The following RAPGEFL1 variants were observed in gnomAD, a reference collection of about 807,000 sequenced individuals.
RAPGEFL1 encodes Rap guanine nucleotide exchange factor like 1, also known as rap guanine nucleotide exchange factor-like 1.
In RAPGEFL1, 31 loss-of-function variants were observed where a neutral mutation model predicts 64.4. The ratio of observed to expected loss-of-function variants is 0.48; its 90% confidence interval spans 0.36 to 0.65. RAPGEFL1 has a LOEUF of 0.65. Among genes scored for constraint, RAPGEFL1 ranks in the 30% least tolerant of loss-of-function variants. RAPGEFL1 has a pLI of 0.00. For missense variants in RAPGEFL1, 682 were observed against 677.4 expected, an observed-to-expected ratio of 1.01 and a Z score of -0.08; for synonymous variants, 331 against 274.1, an observed-to-expected ratio of 1.21 and a Z score of -2.05.
chr17:40,180,273 T>G (rs569521491), intron 1 of RAPGEFL1, among the ~76,000 whole-genome samples: 1 of 152,136 alleles, frequency 6.6e-6, no homozygotes, highest in Non-Finnish European at 1.5e-5. Flanking sequence ...TTTCCCCTTT[T>G]ACAGGGGCCT....
intron 2 of RAPGEFL1, among the ~76,000 whole-genome samples, chr17:40,183,967 C>T (rs1989979515): frequency 1.3e-5 from 2 of 150,990 alleles, no homozygotes; most frequent in South Asian, 2.1e-4. Context: ...CCTCAGCCTC[C>T]AGAGTAGCTG....
Position 40,188,873 on chromosome 17 carries a change from G to C in RAPGEFL1, c.841G>C (p.Glu281Gln). ...LVETVELKIP[E>Q]ENQPPSKQVK... ...CAGCTGTGTCCATGCCAGGATTCCA[G>C]AGGAGAACCAGCCACCCAGCAAGCA... The change falls in exon 5 of 15, where the codon GAG becomes CAG. Residue 281 changes from glutamate to glutamine, a missense_variant. Glu to Gln is a conservative substitution (Grantham distance 29, BLOSUM62 2). Coordinates refer to ENST00000620260, the MANE Select transcript of RAPGEFL1 (RefSeq NM_016339.6). The C allele has an allele frequency of 6.2e-7, 1 of 1,614,102 alleles. No individual in the cohort carries two copies. Among genetic ancestry groups the C allele is most frequent in the Non-Finnish European group, 8.5e-7 (1 of 1,180,012 alleles).
At chr17:40,178,901 C>T (rs766998266) in intron 1 of RAPGEFL1, among the ~76,000 whole-genome samples, 38 of 152,146 alleles carry the variant, frequency 2.5e-4, no homozygotes, top group Non-Finnish European at 4.6e-4. Context: ...CAAAGGGATG[C>T]GTTGTCCTTA....
intron 1 of RAPGEFL1, among the ~76,000 whole-genome samples, chr17:40,180,865 C>CT (rs1403519109): frequency 1.3e-5 from 2 of 152,232 alleles, no homozygotes; most frequent in Non-Finnish European, 2.9e-5. Flanking sequence ...ACCTGGCTCC[C>CT]TCCCTGCACC....
At position 40,189,331 on chromosome 17, in the gene RAPGEFL1, G is replaced by A. The variant is rs748201835; in HGVS notation, c.1070G>A (p.Gly357Glu). Residue 357 changes from glycine (G) to glutamate (E), a missense_variant, in exon 6 of 15, where the codon GGG becomes GAG. Physicochemically the swap from Gly to Glu is moderately conservative, Grantham distance 98. Around this residue, in one of 2 missense-constraint regions of RAPGEFL1, gnomAD observed 411 missense variants for 519.4 expected, o/e 0.79. Coordinates refer to ENST00000620260, the MANE Select transcript of RAPGEFL1 (RefSeq NM_016339.6). Reference sequence around the variant, plus strand: ...CTTCAATATTCAGAGGAGCCCGCGGGGCGTGAGGATTCCCTCATCCTGGTA... The same window carrying A: ...CTTCAATATTCAGAGGAGCCCGCGGAGCGTGAGGATTCCCTCATCCTGGTA... ...EKLQYSEEPA[G>E]REDSLILVAV... is the part of the protein sequence containing the mutation. 1 of 1,614,170 alleles carries A rather than the reference G, an allele frequency of 6.2e-7. No individual in the cohort carries two copies.
At position 40,178,115 on chromosome 17, in the gene RAPGEFL1, G is replaced by A. The variant is rs899493683; in HGVS notation, c.254G>A (p.Gly85Glu). The A allele has an allele frequency of 9.5e-5, 54 of 570,888 alleles. No homozygotes were observed. The African/African-American group carries it at 1.0e-3, about 11-fold the overall frequency. The allele number at this position is 570,888 out of a possible 1,614,324, so 35.4% of individuals were successfully genotyped here. The change falls in exon 1 of 15, where the codon GGA becomes GAA. Residue 85 changes from glycine to glutamate, a missense_variant. Transcript: ENST00000620260. ...PGLEPPPEEEGGEPAGVAEEP... is the reference protein window; with the variant it reads ...PGLEPPPEEEEGEPAGVAEEP... ...CTGGAGCCGCCCCCTGAGGAGGAAG[G>A]AGGAGAGCCGGCGGGGGTCGCGGAG...
At chr17:40,184,543 G>T in intron 3 of RAPGEFL1, 38 bp from the exon 4 acceptor site, 2 of 1,344,796 alleles carry the variant, frequency 1.5e-6, no homozygotes, top group South Asian at 2.6e-5. Flanking sequence ...CTTGGAATGA[G>T]ACCCCTTCCT....
Position 40,192,576 on chromosome 17 carries a change from T to TC in RAPGEFL1, c.1657-27dup, listed in dbSNP as rs756891764. The TC allele has an allele frequency of 2.5e-6, 4 of 1,575,120 alleles. No homozygotes were observed. The East Asian group carries it at 9.0e-5, about 35-fold the overall frequency. Reference sequence around the variant, plus strand: ...TCTTTGGGATGCATTGGCCAGTCTGTCCCTTGATCTCTCTCCTGTGGAATA... The same window carrying TC: ...TCTTTGGGATGCATTGGCCAGTCTGTCCCCTTGATCTCTCTCCTGTGGAATA... On this transcript the variant is annotated intron_variant, in intron 11 of 14. Coordinates refer to ENST00000620260, the MANE Select transcript of RAPGEFL1 (RefSeq NM_016339.6).
chr17:40,185,783 C>CAA (rs750937174), intron 4 of RAPGEFL1, among the ~76,000 whole-genome samples: 14 of 48,898 alleles, frequency 2.9e-4, no homozygotes, highest in African/African-American at 8.1e-4. Flanking sequence ...GATTCTGTCT[C>CAA]AAAAAAAAAA....
intron 5 of RAPGEFL1, 31 bp from the exon 6 acceptor site, chr17:40,189,177 T>C: frequency 6.2e-7 from 1 of 1,609,916 alleles, no homozygotes; most frequent in Non-Finnish European, 8.5e-7. Context: ...CTCTGCCCTC[T>C]GTTGAAAGCC....
chr17:40,181,357 G>A (rs1194149764), intron 1 of RAPGEFL1: 2 of 603,010 alleles, frequency 3.3e-6, no homozygotes, highest in Admixed American at 4.3e-5. Context: ...GAAGAGAAGT[G>A]CACATGGCCA....
At chr17:40,187,189 A>G (rs1320789336) in intron 4 of RAPGEFL1, among the ~76,000 whole-genome samples, 1 of 152,122 alleles carries the variant, frequency 6.6e-6, no homozygotes, top group Admixed American at 6.6e-5. Context: ...TTTAAAAAAC[A>G]GTTGGTAAAA....
rs749265100 is a variant in RAPGEFL1, at chr17:40,178,103, C to T, written c.242C>T (p.Pro81Leu). ...PPAEPGLEPP[P>L]EEEGGEPAGV... is the part of the protein sequence containing the mutation. ...GCCGAGCCGGGGCTGGAGCCGCCCC[C>T]TGAGGAGGAAGGAGGAGAGCCGGCG... Residue 81 changes from proline to leucine, a missense_variant, in exon 1 of 15, where the codon CCT becomes CTT. Pro to Leu is a moderately conservative substitution (Grantham distance 98). Coordinates refer to ENST00000620260, the MANE Select transcript of RAPGEFL1 (RefSeq NM_016339.6). The T allele has an allele frequency of 1.7e-6, 1 of 583,644 alleles. No individual in the cohort carries two copies. Among genetic ancestry groups the T allele is most frequent in the Non-Finnish European group, 3.0e-6 (1 of 332,460 alleles). The allele number at this position is 583,644 out of a possible 1,614,324, so 36.2% of individuals were successfully genotyped here. A position where few individuals can be genotyped will look rare whatever the true frequency, so the allele number is the denominator to read the frequency against.
At position 40,191,533 on chromosome 17, in the gene RAPGEFL1, G is replaced by A. The variant is rs767889139; in HGVS notation, c.1514+39G>A. Reference sequence around the variant, plus strand: ...TCGGCGGGATGGGGGGCCGGAGGCCGGAGGCCCGCGCCGCCGCCCGCCCCT... The same window carrying A: ...TCGGCGGGATGGGGGGCCGGAGGCCAGAGGCCCGCGCCGCCGCCCGCCCCT... On this transcript the variant is annotated intron_variant, in intron 9 of 14. Coordinates refer to ENST00000620260, the MANE Select transcript of RAPGEFL1 (RefSeq NM_016339.6). This position sits in a 1 kb window ranked among gnomAD's most constrained non-coding sequence, Gnocchi z 5.1. 3.2e-5 allele frequency: 50 copies of A among 1,562,402 alleles called. No homozygotes were observed. The highest frequency in any genetic ancestry group is 1.2e-4 in the East Asian group (5 of 41,988).
At position 40,177,794 on chromosome 17, in the gene RAPGEFL1, G is replaced by GT; in HGVS notation, c.-68_-67insT. The GT allele has an allele frequency of 4.9e-6, 2 of 407,698 alleles. No homozygotes were observed. The highest frequency in any genetic ancestry group is 8.6e-6 in the Non-Finnish European group (2 of 231,470). The allele number at this position is 407,698 out of a possible 1,614,324, so 25.3% of individuals were successfully genotyped here. On this transcript the variant is annotated 5_prime_UTR_variant, in exon 1 of 15. Transcript: ENST00000620260. Reference sequence around the variant, plus strand: ...CAGCTCTGAGCATCGTGTCTTCGCCGCCCCCCCCGCCCGCGCCTGGGATAC... The same window carrying GT: ...CAGCTCTGAGCATCGTGTCTTCGCCGTCCCCCCCCGCCCGCGCCTGGGATAC...
At chr17:40,180,468 C>T (rs1989860294) in intron 1 of RAPGEFL1, among the ~76,000 whole-genome samples, 1 of 152,098 alleles carries the variant, frequency 6.6e-6, no homozygotes, top group African/African-American at 2.4e-5. Flanking sequence ...TCAAGTCATC[C>T]TGGTCTCCTC....
chr17:40,191,669 G>A lies in RAPGEFL1; in HGVS notation c.1602G>A (p.Trp534Ter). 6.2e-7 allele frequency: 1 copy of A among 1,610,264 alleles called. No individual in the cohort carries two copies. Among genetic ancestry groups the A allele is most frequent in the Non-Finnish European group, 8.5e-7 (1 of 1,178,720 alleles). ...CTGTCAGCCGCCTTCGACTCACCTG[G>A]GAGGTGATGAGACCCCTCCCGTTCC... ...NAAVSRLRLT[W>*]EKLPGKFKNL... The change falls in exon 10 of 15, where the codon TGG (tryptophan) becomes TGA (stop). Residue 534 changes from tryptophan (W) to a stop codon, truncating the protein, a stop_gained. Transcript: ENST00000620260. LOFTEE classifies it high-confidence loss of function. The surrounding 1 kb of genome is among the most constrained non-coding windows in gnomAD (Gnocchi z 5.1).
At chr17:40,186,573 T>TCAAA (rs1226909071) in intron 4 of RAPGEFL1, among the ~76,000 whole-genome samples, 2 of 21,042 alleles carry the variant, frequency 9.5e-5, no homozygotes, top group African/African-American at 3.9e-4. Context: ...AGACTCCGTC[T>TCAAA]CAAAAAAAAA....
At chr17:40,193,318 C>A in intron 13 of RAPGEFL1, 45 bp from the exon 14 acceptor site, 1 of 1,599,760 alleles carries the variant, frequency 6.3e-7, no homozygotes. Flanking sequence ...GAGGGGGAGC[C>A]TCTTTCTGTG....
Sources: allele counts gnomAD v4.1 joint callset (sites outside exome capture counted in the v4.1 genomes callset), GRCh38; gene constraint gnomAD v4.1.1; regional missense constraint gnomAD v4.1.1; non-coding constraint Gnocchi (gnomAD v3.1); transcripts MANE v1.5; gene names NCBI Gene and HGNC (gene_info 2026-07-23, HGNC 2026-07-21).